The following OR52L1 variants were observed in gnomAD, a reference collection of about 807,000 sequenced individuals.
OR52L1 encodes the protein olfactory receptor 52L1.
Under a neutral mutation model 16.1 loss-of-function variants are expected in OR52L1, and 15 were observed. The observed-to-expected ratio is 0.93, with a 90% confidence interval of 0.62 to 1.44. The LOEUF (loss-of-function observed/expected upper bound fraction) is 1.44, where lower values mean the gene tolerates loss of function less well. Ranked by LOEUF, OR52L1 falls within the 40% of genes most tolerant of loss-of-function variation. The pLI is 0.00. For missense variants in OR52L1, 406 were observed against 402.3 expected (o/e 1.01, Z -0.08); for synonymous variants, 166 against 159.2 (o/e 1.04, Z -0.32).
chr11:5,986,063 C>T lies in OR52L1; in HGVS notation c.868G>A (p.Val290Ile). ...TACCGTGTGGCCAGAAGAACATGGACATGATGGGGTACATGATGACCAAAG... is the reference window on the plus strand; with the variant it reads ...TACCGTGTGGCCAGAAGAACATGGATATGATGGGGTACATGATGACCAAAG... ...HRFGHHVPHH[V>I]HVLLATRYLL... Residue 290 changes from valine (V) to isoleucine (I), a missense_variant, in exon 1 of 1, where the codon GTC becomes ATC. Coordinates refer to ENST00000332249, the MANE Select transcript of OR52L1 (RefSeq NM_001005173.3). 6.2e-7 allele frequency: 1 copy of T among 1,613,938 alleles called. No homozygotes were observed. The highest frequency in any genetic ancestry group is 1.7e-5 in the Admixed American group (1 of 60,018).
chr11:5,986,762 A>G lies in OR52L1; in HGVS notation c.169T>C (p.Leu57=), dbSNP rs115266467. Residue 57 remains leucine, a synonymous_variant, in exon 1 of 1, where the codon TTA becomes CTA. Coordinates refer to ENST00000332249, the MANE Select transcript of OR52L1 (RefSeq NM_001005173.3). ...AAGAGAATGGTAACATTGCCCACTA[A>G]AGCAAGGAGGTAAAGGATGCCCAGG... The part of the protein sequence containing the change: ...LPLGILYLLA[L]VGNVTILFII... 5,653 of 1,613,950 alleles carry G rather than the reference A, an allele frequency of 3.5e-3. 160 individuals carry two copies. The African/African-American group carries it at 0.062, about 18-fold the overall frequency.
rs755110802 is a variant in OR52L1 at position 5,986,890 on chromosome 11, A to G, written c.41T>C (p.Leu14Ser). The G allele has an allele frequency of 6.2e-7, 1 of 1,613,790 alleles. No homozygotes were observed. The highest frequency in any genetic ancestry group is 8.5e-7 in the Non-Finnish European group (1 of 1,179,694). Residue 14 changes from leucine (L) to serine (S), a missense_variant, in exon 1 of 1, where the codon TTG (leucine) becomes TCG (serine). Transcript: ENST00000332249. ...GCTTGAATTGCTAAGGAGCATTATC[A>G]ATGGCTTGGAGAGGAAAGAGAAAAA... ...VSFFSFLSKPLIMLLSNSSWR... is the reference protein window; with the variant it reads ...VSFFSFLSKPSIMLLSNSSWR...
chr11:5,986,842 AAAG>A lies in OR52L1; in HGVS notation c.86_88del (p.Ser29del). On this transcript the variant is annotated inframe_deletion, in exon 1 of 1. Coordinates refer to ENST00000332249, the MANE Select transcript of OR52L1 (RefSeq NM_001005173.3). The stretch of plus-strand genomic sequence containing the variant: ...TAAACCTGGAATCCCTACCAGGAGA[AAAG>A]AAGGCTGGGATAGCCTCCAGCTTGA... 6.2e-7 allele frequency: 1 copy of A among 1,614,048 alleles called. No individual in the cohort carries two copies. Among genetic ancestry groups the A allele is most frequent in the Non-Finnish European group, 8.5e-7 (1 of 1,179,884 alleles).
In OR52L1 at chr11:5,986,478, G is replaced by A. The variant is rs759931039; in HGVS notation, c.453C>T (p.Ser151=). The change falls in exon 1 of 1, where the codon TCC becomes TCT. Residue 151 remains serine, a synonymous_variant. Coordinates refer to ENST00000332249, the MANE Select transcript of OR52L1 (RefSeq NM_001005173.3). ...CTATGACCCCTGGATGCAGGATTGT[G>A]GAATGGTGCAAGGGGTGACAAATGG... ...YVAICHPLHH[S]TILHPGVIGR... is the part of the protein sequence containing the mutation. 1 of 1,613,950 alleles carries A rather than the reference G, an allele frequency of 6.2e-7. No homozygotes were observed. The highest frequency in any genetic ancestry group is 1.1e-5 in the South Asian group (1 of 91,078).
chr11:5,986,087 A>G lies in OR52L1; in HGVS notation c.844T>C (p.Phe282Leu). Residue 282 changes from phenylalanine (F) to leucine (L), a missense_variant, in exon 1 of 1, where the codon TTT becomes CTT. Phe to Leu is a conservative substitution (Grantham distance 22). Coordinates refer to ENST00000332249, the MANE Select transcript of OR52L1 (RefSeq NM_001005173.3). ...ACATGATGGGGTACATGATGACCAA[A>G]GCGGTGAGTGAGGAAGGAGAAAATT... is the stretch of plus-strand genomic sequence containing the variant. ...PGIFSFLTHR[F>L]GHHVPHHVHV... The G allele has an allele frequency of 6.2e-7, 1 of 1,614,010 alleles. No individual in the cohort carries two copies. Among genetic ancestry groups the G allele is most frequent in the Non-Finnish European group, 8.5e-7 (1 of 1,179,884 alleles).
Position 5,986,429 on chromosome 11 carries a change from C to A in OR52L1, c.502G>T (p.Val168Leu). Reference protein sequence around the residue: ...VIGRIGMVVLVRGLLLLIPFP... With the variant: ...VIGRIGMVVLLRGLLLLIPFP... ...GGGATAAGGAGTAGTAATCCCCTCA[C>A]CAGCACCACCATTCCGATGCGCCCT... The change falls in exon 1 of 1, where the codon GTG becomes TTG. Residue 168 changes from valine to leucine, a missense_variant. Val to Leu is a conservative substitution (Grantham distance 32). Transcript: ENST00000332249. 1 of 1,613,958 alleles carries A rather than the reference C, an allele frequency of 6.2e-7. No individual in the cohort carries two copies. Among genetic ancestry groups the A allele is most frequent in the South Asian group, 1.1e-5 (1 of 91,074 alleles).
rs576505412 is a variant in OR52L1, at chr11:5,986,561, C to T, written c.370G>A (p.Ala124Thr). The change falls in exon 1 of 1, where the codon GCA (alanine) becomes ACA (threonine). Residue 124 changes from alanine (A) to threonine (T), a missense_variant. Physicochemically the swap from Ala to Thr is moderately conservative, Grantham distance 58. Transcript: ENST00000332249. Reference sequence around the variant, plus strand: ...ACCCCTGACTCCATGGAGGAGAATGCATGGATGAAGAACATCTGGATCAGG... The same window carrying T: ...ACCCCTGACTCCATGGAGGAGAATGTATGGATGAAGAACATCTGGATCAGG... ...VCLIQMFFIH[A>T]FSSMESGVLV... 24 of 1,613,884 alleles carry T rather than the reference C, an allele frequency of 1.5e-5. 1 individual carries two copies. In the South Asian group the frequency reaches 2.4e-4, roughly 16 times the overall value.
At position 5,986,279 on chromosome 11, in the gene OR52L1, G is replaced by T. The variant is rs1055287036; in HGVS notation, c.652C>A (p.Leu218Met). Reference sequence around the variant, plus strand: ...CCAATCACAAGCAAGGCCATAGTCAGCCCATAAGCTCGATTGACTGTGGTT... The same window carrying T: ...CCAATCACAAGCAAGGCCATAGTCATCCCATAAGCTCGATTGACTGTGGTT... ...SETTVNRAYG[L>M]TMALLVIGLD... Residue 218 changes from leucine (L) to methionine (M), a missense_variant, in exon 1 of 1, where the codon CTG (leucine) becomes ATG (methionine). Leu to Met is a conservative substitution (Grantham distance 15). Transcript: ENST00000332249. The T allele has an allele frequency of 9.9e-6, 16 of 1,613,980 alleles. No individual in the cohort carries two copies. The highest frequency in any genetic ancestry group is 1.4e-5 in the Non-Finnish European group (16 of 1,179,888).
At position 5,986,606 on chromosome 11, in the gene OR52L1, C is replaced by T. The variant is rs982635202; in HGVS notation, c.325G>A (p.Glu109Lys). ...ATCAGGCAGACGATGTACCCAATCT[C>T]GTGGGCATGAACCAGGAGCACTGCA... ...ALAVLLVHAH[E>K]IGYIVCLIQM... The change falls in exon 1 of 1, where the codon GAG (glutamate) becomes AAG (lysine). Residue 109 changes from glutamate (E) to lysine (K), a missense_variant. Glu to Lys is a moderately conservative substitution (Grantham distance 56, BLOSUM62 1). Transcript: ENST00000332249. 65 of 1,613,888 alleles carry T rather than the reference C, an allele frequency of 4.0e-5. No individual in the cohort carries two copies. Among genetic ancestry groups the T allele is most frequent in the East Asian group, 8.9e-5 (4 of 44,862 alleles).
rs1479127176 is a variant in OR52L1, at chr11:5,986,014, T to C, written c.917A>G (p.Asn306Ser). ...TRYLLMPPALNPLVYGVKTQQ... is the reference protein window; with the variant it reads ...TRYLLMPPALSPLVYGVKTQQ... ...AGTCTTCACTCCATAGACAAGAGGA[T>C]TGAGCGCAGGTGGCATGAGGAGATA... The change falls in exon 1 of 1, where the codon AAT becomes AGT. Residue 306 changes from asparagine to serine, a missense_variant. Asn to Ser is a conservative substitution (Grantham distance 46). Coordinates refer to ENST00000332249, the MANE Select transcript of OR52L1 (RefSeq NM_001005173.3). 1 of 1,613,160 alleles carries C rather than the reference T, an allele frequency of 6.2e-7. No homozygotes were observed. Among genetic ancestry groups the C allele is most frequent in the Non-Finnish European group, 8.5e-7 (1 of 1,179,518 alleles).
At position 5,985,900 on chromosome 11, in the gene OR52L1, CAGA is replaced by C. The variant is rs1564807166; in HGVS notation, c.*38_*40del. 3.3e-6 allele frequency: 5 copies of C among 1,533,350 alleles called. No homozygotes were observed. The highest frequency in any genetic ancestry group is 3.5e-6 in the Non-Finnish European group (4 of 1,139,534). 95.0% of individuals were successfully genotyped at this position (1,533,350 alleles called of 1,614,324 possible). ...GTCACAGGCTCCTGGCTGTGGTCCG[CAGA>C]AGAAGCCTCCGAAGGAAACAATGAG... On this transcript the variant is annotated 3_prime_UTR_variant, in exon 1 of 1. Transcript: ENST00000332249.
Position 5,986,075 on chromosome 11 carries a change from C to T in OR52L1, c.856G>A (p.Val286Ile). 2 of 1,613,930 alleles carry T rather than the reference C, an allele frequency of 1.2e-6. No individual in the cohort carries two copies. Among genetic ancestry groups the T allele is most frequent in the Non-Finnish European group, 8.5e-7 (1 of 1,179,878 alleles). The change falls in exon 1 of 1, where the codon GTA becomes ATA. Residue 286 changes from valine to isoleucine, a missense_variant. Physicochemically the swap from Val to Ile is conservative, Grantham distance 29. Coordinates refer to ENST00000332249, the MANE Select transcript of OR52L1 (RefSeq NM_001005173.3). ...AGAAGAACATGGACATGATGGGGTA[C>T]ATGATGACCAAAGCGGTGAGTGAGG... is the stretch of plus-strand genomic sequence containing the variant. ...SFLTHRFGHH[V>I]PHHVHVLLAT...
rs763735644 is a variant in OR52L1 at position 5,985,920 on chromosome 11, A to G, written c.*21T>C. The G allele has an allele frequency of 6.3e-7, 1 of 1,575,120 alleles. No individual in the cohort carries two copies. The highest frequency in any genetic ancestry group is 8.6e-7 in the Non-Finnish European group (1 of 1,159,918). The stretch of plus-strand genomic sequence containing the variant: ...GTCCGCAGAAGAAGCCTCCGAAGGA[A>G]ACAATGAGAATATGTTCAGATCAAT... On this transcript the variant is annotated 3_prime_UTR_variant, in exon 1 of 1. Coordinates refer to ENST00000332249, the MANE Select transcript of OR52L1 (RefSeq NM_001005173.3).
In OR52L1 at chr11:5,986,391, C is replaced by T. The variant is rs766834876; in HGVS notation, c.540G>A (p.Leu180=). 5 of 1,613,946 alleles carry T rather than the reference C, an allele frequency of 3.1e-6. No homozygotes were observed. Among genetic ancestry groups the T allele is most frequent in the East Asian group, 2.2e-5 (1 of 44,884 alleles). The change falls in exon 1 of 1, where the codon TTG becomes TTA. Residue 180 remains leucine (L), a synonymous_variant. Coordinates refer to ENST00000332249, the MANE Select transcript of OR52L1 (RefSeq NM_001005173.3). ...CTTGGCAGAAGATAAGTGTTCCCAA[C>T]AAAATGGGGAAGGGGATAAGGAGTA... ...GLLLLIPFPI[L]LGTLIFCQAT...
Position 5,986,594 on chromosome 11 carries a change from T to C in OR52L1, c.337A>G (p.Ile113Val). The change falls in exon 1 of 1, where the codon ATC becomes GTC. Residue 113 changes from isoleucine (I) to valine (V), a missense_variant. Transcript: ENST00000332249. Reference protein sequence around the residue: ...LLVHAHEIGYIVCLIQMFFIH... With the variant: ...LLVHAHEIGYVVCLIQMFFIH... ...AAGAACATCTGGATCAGGCAGACGA[T>C]GTACCCAATCTCGTGGGCATGAACC... is the stretch of plus-strand genomic sequence containing the variant. 6 of 1,613,956 alleles carry C rather than the reference T, an allele frequency of 3.7e-6. No homozygotes were observed. In the Admixed American group the frequency reaches 5.0e-5, roughly 13 times the overall value.
Position 5,986,740 on chromosome 11 carries a change from A to G in OR52L1, c.191T>C (p.Leu64Pro), listed in dbSNP as rs1336443770. The stretch of plus-strand genomic sequence containing the variant: ...GGATGGGTCCATCCAGATGATGAAG[A>G]GAATGGTAACATTGCCCACTAAAGC... Reference protein sequence around the residue: ...LLALVGNVTILFIIWMDPSLH... With the variant: ...LLALVGNVTIPFIIWMDPSLH... Residue 64 changes from leucine (L) to proline (P), a missense_variant, in exon 1 of 1, where the codon CTC becomes CCC. Leu to Pro is a moderately conservative substitution (Grantham distance 98, BLOSUM62 -3). Coordinates refer to ENST00000332249, the MANE Select transcript of OR52L1 (RefSeq NM_001005173.3). The G allele has an allele frequency of 2.5e-6, 4 of 1,613,862 alleles. No homozygotes were observed.
In OR52L1 at chr11:5,986,794, G is replaced by A. The variant is rs770177523; in HGVS notation, c.137C>T (p.Ala46Val). 3.7e-6 allele frequency: 6 copies of A among 1,613,910 alleles called. No homozygotes were observed. The highest frequency in any genetic ancestry group is 1.3e-5 in the African/African-American group (1 of 74,956). Residue 46 changes from alanine (A) to valine (V), a missense_variant, in exon 1 of 1, where the codon GCA becomes GTA. By Grantham distance (64) the Ala-to-Val change is moderately conservative. Coordinates refer to ENST00000332249, the MANE Select transcript of OR52L1 (RefSeq NM_001005173.3). ...PGLEESQHWI[A>V]LPLGILYLLA... Reference sequence around the variant, plus strand: ...GAGGTAAAGGATGCCCAGGGGCAGTGCAATCCAGTGCTGGCTTTCCTCTAA... The same window carrying A: ...GAGGTAAAGGATGCCCAGGGGCAGTACAATCCAGTGCTGGCTTTCCTCTAA...
rs372998184 is a variant in OR52L1, at chr11:5,986,587, C to T, written c.344G>A (p.Cys115Tyr). 1.2e-6 allele frequency: 2 copies of T among 1,613,960 alleles called. No homozygotes were observed. The highest frequency in any genetic ancestry group is 1.7e-6 in the Non-Finnish European group (2 of 1,179,908). Residue 115 changes from cysteine (C) to tyrosine (Y), a missense_variant, in exon 1 of 1, where the codon TGC becomes TAC. Coordinates refer to ENST00000332249, the MANE Select transcript of OR52L1 (RefSeq NM_001005173.3). ...VHAHEIGYIVCLIQMFFIHAF... is the reference protein window; with the variant it reads ...VHAHEIGYIVYLIQMFFIHAF... ...ATGGATGAAGAACATCTGGATCAGGCAGACGATGTACCCAATCTCGTGGGC... is the reference window on the plus strand; with the variant it reads ...ATGGATGAAGAACATCTGGATCAGGTAGACGATGTACCCAATCTCGTGGGC...
chr11:5,986,904 G>T lies in OR52L1; in HGVS notation c.27C>A (p.Phe9Leu), dbSNP rs370291508. 90 of 1,611,242 alleles carry T rather than the reference G, an allele frequency of 5.6e-5. No homozygotes were observed. The highest frequency in any genetic ancestry group is 7.5e-5 in the Non-Finnish European group (89 of 1,178,988). The stretch of plus-strand genomic sequence containing the variant: ...GGAGCATTATCAATGGCTTGGAGAG[G>T]AAAGAGAAAAAAGAAACCAAAGTCA... MTLVSFFS[F>L]LSKPLIMLLS... The change falls in exon 1 of 1, where the codon TTC becomes TTA. Residue 9 changes from phenylalanine to leucine, a missense_variant. Coordinates refer to ENST00000332249, the MANE Select transcript of OR52L1 (RefSeq NM_001005173.3).
Sources: gnomAD v4.1 joint callset for allele counts on GRCh38, gnomAD v4.1.1 for gene constraint, MANE v1.5 for transcripts, NCBI Gene and HGNC (gene_info 2026-07-23, HGNC 2026-07-21) for gene names.